Variants in DNM2 observed in about 807,000 individuals in gnomAD.
DNM2 encodes dynamin 2.
Under a neutral mutation model 99.0 loss-of-function variants are expected in DNM2, and 15 were observed. The observed-to-expected ratio is 0.15, with a 90% CI of 0.10 to 0.23. DNM2 has a LOEUF of 0.23. Among genes scored for constraint, DNM2 ranks in the 10% least tolerant of loss-of-function variants. The probability of loss-of-function intolerance (pLI) is 1.00; values close to 1 mark genes in which losing one functional copy is unlikely to be tolerated. For synonymous variants in DNM2, 525 were observed against 481.2 expected (o/e 1.09, Z -1.19); for missense variants, 742 against 1,189.4 (o/e 0.62, Z 5.53).
chr19:10,741,949 C>G (rs2069768275), intron 1 of DNM2, among the ~76,000 whole-genome samples: 4 of 151,438 alleles, frequency 2.6e-5, no homozygotes, highest in Non-Finnish European at 5.9e-5. Context: ...TTCCTTCCTT[C>G]CTTCCTTTTT....
intron 1 of DNM2, among the ~76,000 whole-genome samples, chr19:10,732,129 T>C (rs1352242920): frequency 1.3e-5 from 2 of 151,372 alleles, no homozygotes; most frequent in Non-Finnish European, 2.9e-5. Context: ...TAATTTTTTG[T>C]ATTTTTAGTA....
At chr19:10,773,656 CGG>C (rs2071057843) in intron 3 of DNM2, among the ~76,000 whole-genome samples, 1 of 151,164 alleles carries the variant, frequency 6.6e-6, no homozygotes, top group African/African-American at 2.4e-5. Flanking sequence ...TTAGTAGAGA[CGG>C]GGTTTCACCA....
At chr19:10,803,591 T>G (rs1392438201) in intron 12 of DNM2, 1 of 984,028 alleles carries the variant, frequency 1.0e-6, no homozygotes, top group Admixed American at 6.1e-5. Flanking sequence ...CTGTTTTTCC[T>G]TTGACCACTC....
intron 1 of DNM2, among the ~76,000 whole-genome samples, chr19:10,725,815 G>C (rs904752467): frequency 6.6e-6 from 1 of 152,036 alleles, no homozygotes; most frequent in Non-Finnish European, 1.5e-5. Context: ...GTACAGTGGC[G>C]TAATCATGGC....
intron 11 of DNM2, among the ~76,000 whole-genome samples, chr19:10,799,079 T>C (rs972425474): frequency 6.6e-6 from 1 of 152,138 alleles, no homozygotes; most frequent in Admixed American, 6.5e-5. Flanking sequence ...ATAAAAAAAT[T>C]AGCCAGGCGT....
intron 2 of DNM2, among the ~76,000 whole-genome samples, chr19:10,770,137 G>C (rs972208110): frequency 2.6e-5 from 4 of 152,204 alleles, no homozygotes; most frequent in Admixed American, 1.3e-4. Flanking sequence ...AGTTTCTTCG[G>C]TTGCCATGAT....
At chr19:10,771,699 C>A (rs2070985869) in intron 2 of DNM2, among the ~76,000 whole-genome samples, 1 of 152,160 alleles carries the variant, frequency 6.6e-6, no homozygotes. Context: ...TGCAGCATCA[C>A]CTTAATCAAA....
At chr19:10,749,656 G>A (rs2070124967) in intron 1 of DNM2, among the ~76,000 whole-genome samples, 1 of 152,248 alleles carries the variant, frequency 6.6e-6, no homozygotes, top group Non-Finnish European at 1.5e-5. Flanking sequence ...AGGCTGCCTG[G>A]CTCCACAGTC....
intron 1 of DNM2, among the ~76,000 whole-genome samples, chr19:10,729,164 CAAAAAAAAAAAAA>C (rs919370114): frequency 2.3e-5 from 1 of 44,412 alleles, no homozygotes; most frequent in Non-Finnish European, 4.0e-5. Flanking sequence ...GACTCCGTCT[CAAAAAAAAAAAAA>C]AAAAAAAAAA....
Position 10,796,109 on chromosome 19 carries a change from G to A in DNM2, c.1196+670G>A, listed in dbSNP as rs755921154. 4.3e-6 allele frequency: 7 copies of A among 1,614,128 alleles called. No homozygotes were observed. The highest frequency in any genetic ancestry group is 5.1e-6 in the Non-Finnish European group (6 of 1,180,028). ...TGGCATTCGAGGCCATTGTGAAAAA[G>A]CAGGTCGTCAAGCTGAAAGAGCCCT... On this transcript the variant is annotated intron_variant, in intron 9 of 20. Transcript: ENST00000389253. This position sits in a 1 kb window ranked among gnomAD's most constrained non-coding sequence, Gnocchi z 5.6.
At chr19:10,737,491 T>C (rs932636397) in intron 1 of DNM2, among the ~76,000 whole-genome samples, 3 of 152,120 alleles carry the variant, frequency 2.0e-5, no homozygotes, top group African/African-American at 7.2e-5. Flanking sequence ...GTTTGGTTTC[T>C]TGTTTTCTTT....
At chr19:10,794,254 T>C (rs985555783) in intron 8 of DNM2, among the ~76,000 whole-genome samples, 2 of 152,018 alleles carry the variant, frequency 1.3e-5, no homozygotes, top group South Asian at 4.1e-4. Context: ...AAACTGAACA[T>C]GGATGTCTGT....
rs1338291527 is a variant in DNM2, at chr19:10,818,191, C to T, written c.1672-1789C>T. Reference sequence around the variant, plus strand: ...CCCTTGGGTCCGCAGCGGCATCCCTCCCTCCATGGCCACCGGGCCCCTCTC... The same window carrying T: ...CCCTTGGGTCCGCAGCGGCATCCCTTCCTCCATGGCCACCGGGCCCCTCTC... On this transcript the variant is annotated intron_variant, in intron 15 of 20. Coordinates refer to ENST00000389253, the MANE Select transcript of DNM2 (RefSeq NM_001005361.3). This position sits in a 1 kb window ranked among gnomAD's most constrained non-coding sequence, Gnocchi z 4.3. 2.6e-5 allele frequency among the ~76,000 whole-genome samples: 3 copies of T among 115,258 alleles called. No homozygotes were observed. The East Asian group carries it at 1.0e-3, about 40-fold the overall frequency. 75.6% of individuals were successfully genotyped at this position (115,258 alleles called of 152,430 possible).
At position 10,812,615 on chromosome 19, in the gene DNM2, C is replaced by T. The variant is rs866722879; in HGVS notation, c.1671+238C>T. ...CAGCCTGGCCAACATGATGAAACCC[C>T]GTCTCTACTAAAATTGCAAAAATTA... On this transcript the variant is annotated intron_variant, in intron 15 of 20. Transcript: ENST00000389253. This position sits in a 1 kb window ranked among gnomAD's most constrained non-coding sequence, Gnocchi z 4.0. Among the ~76,000 whole-genome samples, 47 of 152,218 alleles carry T rather than the reference C, an allele frequency of 3.1e-4. No individual in the cohort carries two copies. Among genetic ancestry groups the T allele is most frequent in the African/African-American group, 7.0e-4 (29 of 41,532 alleles).
chr19:10,773,679 G>C (rs2071058383), intron 3 of DNM2, among the ~76,000 whole-genome samples: 1 of 151,270 alleles, frequency 6.6e-6, no homozygotes. Context: ...TGTTGCACAG[G>C]CTGGTCTCGA....
chr19:10,795,864 A>T lies in DNM2; in HGVS notation c.1196+425A>T. The T allele has an allele frequency of 2.5e-6, 2 of 787,448 alleles. No individual in the cohort carries two copies. The highest frequency in any genetic ancestry group is 1.5e-5 in the South Asian group (1 of 65,886). 48.8% of individuals were successfully genotyped at this position (787,448 alleles called of 1,614,324 possible). On this transcript the variant is annotated intron_variant, in intron 9 of 20. Coordinates refer to ENST00000389253, the MANE Select transcript of DNM2 (RefSeq NM_001005361.3). This position sits in a 1 kb window ranked among gnomAD's most constrained non-coding sequence, Gnocchi z 4.2. ...TTATTCTAACAAAGGTAGTTGCTCC[A>T]GGTGTCTGCCCTTCCATCGCCGTGG...
At chr19:10,814,246 C>T (rs1599606430) in intron 15 of DNM2, among the ~76,000 whole-genome samples, 1 of 152,206 alleles carries the variant, frequency 6.6e-6, no homozygotes, top group Non-Finnish European at 1.5e-5. Context: ...AGACAGATCA[C>T]TTGAGGTCGG....
At chr19:10,773,632 TA>T (rs555234123) in intron 3 of DNM2, among the ~76,000 whole-genome samples, 25 of 151,626 alleles carry the variant, frequency 1.6e-4, no homozygotes, top group Non-Finnish European at 4.4e-5. Context: ...TTTTATTTTT[TA>T]TTTTTTTTAT....
rs587778236 is a variant in DNM2 at position 10,825,075 on chromosome 19, G to A, written c.1912G>A (p.Ala638Thr). 4 of 1,614,068 alleles carry A rather than the reference G, an allele frequency of 2.5e-6. No homozygotes were observed. The Admixed American group carries it at 6.7e-5, about 27-fold the overall frequency. The change falls in exon 18 of 21, where the codon GCC (alanine) becomes ACC (threonine). Residue 638 changes from alanine to threonine, a missense_variant. Physicochemically the swap from Ala to Thr is moderately conservative, Grantham distance 58 (BLOSUM62 0). This residue lies in a region of DNM2 where 240 missense variants were observed against 431.3 expected (regional missense o/e 0.56). Transcript: ENST00000389253. The part of the protein sequence containing the change: ...EKDQAENEDG[A>T]QENTFSMDPQ... ...CTTGCAGGCAGAAAACGAGGATGGG[G>A]CCCAGGAGAACACCTTCTCCATGGA...
Sources: gnomAD v4.1 joint callset for allele counts (sites outside exome capture counted in the v4.1 genomes callset) on GRCh38, gnomAD v4.1.1 for gene constraint, gnomAD v4.1.1 regional missense constraint, Gnocchi (gnomAD v3.1) non-coding constraint, MANE v1.5 for transcripts, NCBI Gene and HGNC (gene_info 2026-07-23, HGNC 2026-07-21) for gene names.